The following IMMP2L variants were observed in gnomAD, a reference collection of about 807,000 sequenced individuals.
IMMP2L encodes mitochondrial inner membrane protease subunit 2.
IMMP2L carries 18 observed loss-of-function variants against 19.3 expected under a neutral mutation model. The ratio of observed to expected loss-of-function variants is 0.93; its 90% CI spans 0.64 to 1.38. The LOEUF (loss-of-function observed/expected upper bound fraction) is 1.38, where lower values mean the gene tolerates loss of function less well. IMMP2L is among the 40% of genes most tolerant of loss of function. The pLI is 0.00. For synonymous variants in IMMP2L, 76 were observed against 73.0 expected, an observed-to-expected ratio of 1.04 and a Z score of -0.21; for missense variants, 233 against 218.2, an observed-to-expected ratio of 1.07 and a Z score of -0.43.
At chr7:111,372,873 A>G (rs1399017802) in intron 3 of IMMP2L, among the ~76,000 whole-genome samples, 4 of 152,066 alleles carry the variant, frequency 2.6e-5, no homozygotes, top group Non-Finnish European at 5.9e-5. Flanking sequence ...AGTGCTGTAG[A>G]TCATTGATCA....
chr7:111,225,200 C>G (rs1356565917), intron 3 of IMMP2L, among the ~76,000 whole-genome samples: 1 of 152,070 alleles, frequency 6.6e-6, no homozygotes, highest in Admixed American at 6.6e-5. Context: ...AAACAACTGA[C>G]AGTATTCATT....
chr7:111,482,998 T>C (rs1296665161), intron 3 of IMMP2L, among the ~76,000 whole-genome samples: 4 of 152,128 alleles, frequency 2.6e-5, no homozygotes, highest in African/African-American at 7.2e-5. Flanking sequence ...GAGTAGGATC[T>C]TGGCCCAAAA....
At chr7:111,407,980 A>G (rs919873421) in intron 3 of IMMP2L, among the ~76,000 whole-genome samples, 5 of 152,038 alleles carry the variant, frequency 3.3e-5, no homozygotes, top group African/African-American at 1.2e-4. Flanking sequence ...AATCCTACGA[A>G]GCAGGAACTA....
chr7:111,163,029 C>A (rs78329059), intron 3 of IMMP2L, among the ~76,000 whole-genome samples: 1 of 152,028 alleles, frequency 6.6e-6, no homozygotes, highest in Non-Finnish European at 1.5e-5. Context: ...TCTTATAGAG[C>A]AGTTGCTTTA....
intron 3 of IMMP2L, among the ~76,000 whole-genome samples, chr7:111,380,778 G>A (rs551459902): frequency 6.6e-6 from 1 of 152,016 alleles, no homozygotes; most frequent in African/African-American, 2.4e-5. Flanking sequence ...GCTTGTCTCT[G>A]ATATACTCTG....
chr7:110,753,753 G>GTGTGTGTGT (rs1233722854), intron 5 of IMMP2L, among the ~76,000 whole-genome samples: 10 of 147,044 alleles, frequency 6.8e-5, no homozygotes, highest in African/African-American at 2.6e-4. Context: ...GTGAGTGTGG[G>GTGTGTGTGT]GTGTGTGTGT....
chr7:111,185,260 T>C (rs1464277826), intron 3 of IMMP2L, among the ~76,000 whole-genome samples: 2 of 152,208 alleles, frequency 1.3e-5, no homozygotes, highest in Non-Finnish European at 2.9e-5. Flanking sequence ...TACTCTGTGG[T>C]TGGATTTTTC....
chr7:111,391,999 T>C (rs543697445), intron 3 of IMMP2L: 2 of 703,004 alleles, frequency 2.8e-6, no homozygotes, highest in Admixed American at 2.0e-5. Flanking sequence ...AGTGTCTCCT[T>C]GCTTCAATGT....
intron 5 of IMMP2L, among the ~76,000 whole-genome samples, chr7:110,767,936 G>T (rs1172828020): frequency 6.6e-6 from 1 of 152,168 alleles, no homozygotes; most frequent in African/African-American, 2.4e-5. Context: ...TGATTGAAGA[G>T]AATTTTATTG....
intron 3 of IMMP2L, among the ~76,000 whole-genome samples, chr7:111,014,987 C>T (rs886596653): frequency 2.0e-5 from 3 of 152,144 alleles, no homozygotes; most frequent in African/African-American, 4.8e-5. Flanking sequence ...CTATGGAATA[C>T]AGTAAGGAGG....
At chr7:111,374,659 A>G (rs1378137516) in intron 3 of IMMP2L, among the ~76,000 whole-genome samples, 1 of 152,154 alleles carries the variant, frequency 6.6e-6, no homozygotes, top group Non-Finnish European at 1.5e-5. Context: ...TCAGACCCTG[A>G]GAGTCAAACA....
At chr7:111,264,268 C>A (rs1817613479) in intron 3 of IMMP2L, among the ~76,000 whole-genome samples, 2 of 151,984 alleles carry the variant, frequency 1.3e-5, no homozygotes, top group Admixed American at 1.3e-4. Context: ...GGGCACGGGC[C>A]CATTTACAAA....
At chr7:110,990,133 T>C (rs960633369) in intron 3 of IMMP2L, among the ~76,000 whole-genome samples, 2 of 152,156 alleles carry the variant, frequency 1.3e-5, no homozygotes, top group Non-Finnish European at 2.9e-5. Flanking sequence ...TATGACTACA[T>C]AGCCACACAA....
At chr7:111,434,385 A>G (rs987978354) in intron 3 of IMMP2L, among the ~76,000 whole-genome samples, 2 of 151,486 alleles carry the variant, frequency 1.3e-5, no homozygotes, top group Non-Finnish European at 2.9e-5. Context: ...AATACAGTAA[A>G]AAGCTTCTGC....
intron 3 of IMMP2L, chr7:111,411,478 G>A (rs1834423121): frequency 2.1e-6 from 1 of 483,626 alleles, no homozygotes; most frequent in Non-Finnish European, 4.1e-6. Flanking sequence ...TCACGGGCAA[G>A]CACGGCATGG....
chr7:111,274,927 C>A (rs945771718), intron 3 of IMMP2L, among the ~76,000 whole-genome samples: 1 of 152,128 alleles, frequency 6.6e-6, no homozygotes, highest in Admixed American at 6.5e-5. Context: ...AAAGCACTCA[C>A]GCTTGATCAT....
intron 3 of IMMP2L, among the ~76,000 whole-genome samples, chr7:111,257,640 T>C (rs1816854934): frequency 6.6e-6 from 1 of 152,156 alleles, no homozygotes; most frequent in Non-Finnish European, 1.5e-5. Context: ...TTTGCACCTT[T>C]CTTTGCCCTA....
chr7:111,157,460 G>T (rs1042397949), intron 3 of IMMP2L, among the ~76,000 whole-genome samples: 2 of 152,022 alleles, frequency 1.3e-5, no homozygotes, highest in African/African-American at 4.8e-5. Context: ...TATGTTAAGT[G>T]AAATAAACTA....
intron 3 of IMMP2L, among the ~76,000 whole-genome samples, chr7:111,312,145 C>G (rs1185521521): frequency 1.3e-5 from 2 of 152,064 alleles, no homozygotes; most frequent in Non-Finnish European, 1.5e-5. Context: ...TCACTATGGC[C>G]ATTACAGACT....
Sources: allele counts gnomAD v4.1 joint callset (sites outside exome capture counted in the v4.1 genomes callset), GRCh38; gene constraint gnomAD v4.1.1; transcripts MANE v1.5; gene names NCBI Gene and HGNC (gene_info 2026-07-23, HGNC 2026-07-21).